MYBL2: variants seen among roughly 807,000 people sequenced by gnomAD.
MYBL2 encodes the protein myb-related protein B.
A neutral mutation model predicts 79.9 loss-of-function variants in MYBL2; 28 were observed. That is an observed-to-expected ratio of 0.35 (90% confidence interval 0.26 to 0.48). MYBL2 has a LOEUF of 0.48. Ranked by LOEUF, MYBL2 falls within the 20% of genes least tolerant of loss-of-function variation. MYBL2 has a pLI of 0.99. For synonymous variants in MYBL2, 378 were observed against 361.2 expected, an observed-to-expected ratio of 1.05 and a Z score of -0.53; for missense variants, 735 against 893.9, an observed-to-expected ratio of 0.82 and a Z score of 2.27.
intron 7 of MYBL2, 99 bp downstream of exon 7, chr20:43,700,143 C>A: frequency 6.9e-7 from 1 of 1,449,120 alleles, no homozygotes; most frequent in Non-Finnish European, 9.3e-7. Context: ...CATCGCCCTG[C>A]TAACAGTTAC....
chr20:43,689,526 C>T (rs1987356475), intron 5 of MYBL2, among the ~76,000 whole-genome samples: 1 of 152,182 alleles, frequency 6.6e-6, no homozygotes, highest in African/African-American at 2.4e-5. Context: ...TGTCGGCCTG[C>T]AGTGCACTCC....
Position 43,699,881 on chromosome 20 carries a change from C to T in MYBL2, c.788C>T (p.Ala263Val), listed in dbSNP as rs1987640795. ...EQEPIGTDLD[A>V]VRTPEPLEEF... is the part of the protein sequence containing the mutation. ...GAGCCCATCGGTACAGATCTGGACGCAGTGCGAACACCAGAGCCCTTGGAG... is the reference window on the plus strand; with the variant it reads ...GAGCCCATCGGTACAGATCTGGACGTAGTGCGAACACCAGAGCCCTTGGAG... The change falls in exon 7 of 14, where the codon GCA becomes GTA. Residue 263 changes from alanine to valine, a missense_variant. Transcript: ENST00000217026. 1.2e-6 allele frequency: 2 copies of T among 1,613,946 alleles called. No homozygotes were observed. The highest frequency in any genetic ancestry group is 1.7e-6 in the Non-Finnish European group (2 of 1,179,992).
intron 11 of MYBL2, among the ~76,000 whole-genome samples, chr20:43,712,074 A>T (rs1425830341): frequency 1.3e-5 from 2 of 151,452 alleles, no homozygotes; most frequent in Non-Finnish European, 2.9e-5. Context: ...GCTGAGTGTC[A>T]AGCTGCATGA....
chr20:43,685,733 C>T (rs750630778), intron 4 of MYBL2, among the ~76,000 whole-genome samples: 3 of 151,892 alleles, frequency 2.0e-5, no homozygotes, highest in African/African-American at 2.4e-5. Flanking sequence ...CCAGCCTGGG[C>T]GACAGAGTGA....
chr20:43,709,916 G>A (rs775671458), intron 9 of MYBL2, 47 bp from the exon 10 acceptor site: 5 of 1,472,302 alleles, frequency 3.4e-6, no homozygotes, highest in Non-Finnish European at 4.7e-6. Flanking sequence ...AGTGCCTGGC[G>A]TCGGCCCCTA....
At chr20:43,683,783 T>G (rs548517383) in intron 4 of MYBL2, among the ~76,000 whole-genome samples, 1 of 152,102 alleles carries the variant, frequency 6.6e-6, no homozygotes, top group South Asian at 2.1e-4. Context: ...CTTGAACTCC[T>G]GACCTCGTGA....
At position 43,715,217 on chromosome 20, in the gene MYBL2, G is replaced by T; in HGVS notation, c.1908G>T (p.Leu636Phe). The stretch of plus-strand genomic sequence containing the variant: ...ACAGCTTGCTCAACCAGGGCTTCTT[G>T]CAGGCCAAGCCCGAGAAGGCAGCAG... ...EDNSLLNQGF[L>F]QAKPEKAAVA... The change falls in exon 13 of 14, where the codon TTG becomes TTT. Residue 636 changes from leucine to phenylalanine, a missense_variant. Transcript: ENST00000217026. 1 of 1,614,246 alleles carries T rather than the reference G, an allele frequency of 6.2e-7. No homozygotes were observed. The highest frequency in any genetic ancestry group is 8.5e-7 in the Non-Finnish European group (1 of 1,180,044).
chr20:43,683,233 G>C (rs983712808), intron 4 of MYBL2, among the ~76,000 whole-genome samples: 5 of 152,228 alleles, frequency 3.3e-5, no homozygotes, highest in African/African-American at 1.2e-4. Flanking sequence ...TTTGCTCTCA[G>C]CAAATGGCAG....
chr20:43,678,178 G>A (rs1479662588), intron 2 of MYBL2, among the ~76,000 whole-genome samples: 1 of 152,006 alleles, frequency 6.6e-6, no homozygotes, highest in African/African-American at 2.4e-5. Context: ...AAGGCCGCAG[G>A]GTCCTCTGCC....
In MYBL2 at chr20:43,709,994, G is replaced by A; in HGVS notation, c.1537G>A (p.Asp513Asn). Residue 513 changes from aspartate (D) to asparagine (N), a missense_variant, in exon 10 of 14, where the codon GAC (aspartate) becomes AAC (asparagine). Asp to Asn is a conservative substitution (Grantham distance 23). This residue lies in a region of MYBL2 where 243 missense variants were observed against 327.2 expected (regional missense o/e 0.74). Transcript: ENST00000217026. The stretch of plus-strand genomic sequence containing the variant: ...AACCCCAGATCAGAAGTACTCCATG[G>A]ACAACACTCCCCACACGCCAACCCC... ...FVTPDQKYSMDNTPHTPTPFK... is the reference protein window; with the variant it reads ...FVTPDQKYSMNNTPHTPTPFK... The A allele has an allele frequency of 1.9e-6, 3 of 1,609,156 alleles. No individual in the cohort carries two copies. The highest frequency in any genetic ancestry group is 1.7e-6 in the Non-Finnish European group (2 of 1,177,726).
intron 4 of MYBL2, among the ~76,000 whole-genome samples, chr20:43,683,273 G>A (rs1987185622): frequency 6.6e-6 from 1 of 152,178 alleles, no homozygotes; most frequent in South Asian, 2.1e-4. Flanking sequence ...AATGATGATT[G>A]CACCCTGTGA....
chr20:43,692,092 T>C, intron 5 of MYBL2, 65 bp from the exon 6 acceptor site: 2 of 1,543,098 alleles, frequency 1.3e-6, no homozygotes, highest in Non-Finnish European at 1.8e-6. Flanking sequence ...GGGAGGTTAG[T>C]GATGTGCCTG....
chr20:43,667,486 T>C (rs1288038538), intron 1 of MYBL2, among the ~76,000 whole-genome samples, 183 bp downstream of exon 1: 2 of 151,834 alleles, frequency 1.3e-5, no homozygotes, highest in Non-Finnish European at 2.9e-5. Flanking sequence ...CGCGTAAAGC[T>C]GGGGGGCTCT....
chr20:43,694,589 C>CT (rs1290746390), intron 6 of MYBL2, among the ~76,000 whole-genome samples: 8 of 152,168 alleles, frequency 5.3e-5, no homozygotes, highest in Admixed American at 5.2e-4. Context: ...GTTTTTGCCT[C>CT]TATTTCTTGA....
intron 5 of MYBL2, among the ~76,000 whole-genome samples, chr20:43,691,643 G>A (rs1037835891): frequency 3.3e-5 from 5 of 151,548 alleles, no homozygotes; most frequent in South Asian, 2.1e-4. Flanking sequence ...GGGTTCAAGC[G>A]ATTCTCCTTC....
At chr20:43,711,761 G>A (rs572362359) in intron 11 of MYBL2, among the ~76,000 whole-genome samples, 160 bp downstream of exon 11, 1 of 152,058 alleles carries the variant, frequency 6.6e-6, no homozygotes, top group Non-Finnish European at 1.5e-5. Flanking sequence ...TGAGGAAACT[G>A]ACAAGATAAG....
intron 1 of MYBL2, among the ~76,000 whole-genome samples, chr20:43,673,214 G>A (rs958548625): frequency 1.4e-5 from 2 of 147,720 alleles, no homozygotes; most frequent in Non-Finnish European, 3.0e-5. Flanking sequence ...CAAAGTGCTG[G>A]GATTACAGGT....
intron 13 of MYBL2, 125 bp from the exon 14 acceptor site, chr20:43,715,834 A>T: frequency 7.6e-7 from 1 of 1,309,606 alleles, no homozygotes; most frequent in Non-Finnish European, 1.0e-6. Context: ...TGGAGAGAGA[A>T]TAAGAAGGCT....
intron 7 of MYBL2, among the ~76,000 whole-genome samples, 162 bp downstream of exon 7, chr20:43,700,206 T>C (rs1987649557): frequency 6.6e-6 from 1 of 152,174 alleles, no homozygotes; most frequent in Admixed American, 6.5e-5. Context: ...ACACCAGGGT[T>C]GTCAGCATGC....
Sources: gnomAD v4.1 joint callset for allele counts (sites outside exome capture counted in the v4.1 genomes callset) on GRCh38, gnomAD v4.1.1 for gene constraint, gnomAD v4.1.1 regional missense constraint, MANE v1.5 for transcripts, NCBI Gene and HGNC (gene_info 2026-07-23, HGNC 2026-07-21) for gene names.